The following JMJD1C variants were observed in gnomAD, a reference collection of about 807,000 sequenced individuals.
JMJD1C encodes jumonji domain containing 1C.
JMJD1C carries 31 observed loss-of-function variants against 245.3 expected under a neutral mutation model. The observed-to-expected ratio is 0.13, with a 90% CI of 0.09 to 0.17. The LOEUF (loss-of-function observed/expected upper bound fraction) is 0.17. Among genes scored for constraint, JMJD1C ranks in the 10% least tolerant of loss-of-function variants. The pLI, the probability that JMJD1C is intolerant of heterozygous loss-of-function variation, is 1.00. For missense variants in JMJD1C, 2,691 were observed against 3,000.2 expected (o/e 0.90, Z 2.41); for synonymous variants, 1,057 against 1,017.4 (o/e 1.04, Z -0.74).
chr10:63,343,665 T>C (rs367612222), intron 2 of JMJD1C, among the ~76,000 whole-genome samples: 8 of 152,122 alleles, frequency 5.3e-5, no homozygotes, highest in Non-Finnish European at 1.0e-4. Flanking sequence ...GCCATAAAAT[T>C]ACAATGGAGC....
At chr10:63,169,761 A>G (rs1330763259) in intron 24 of JMJD1C, among the ~76,000 whole-genome samples, 1 of 152,190 alleles carries the variant, frequency 6.6e-6, no homozygotes, top group Non-Finnish European at 1.5e-5. Context: ...TGGATGCCTC[A>G]CATTTTCAGC....
intron 1 of JMJD1C, among the ~76,000 whole-genome samples, chr10:63,415,092 T>A (rs982419481): frequency 6.6e-6 from 1 of 152,208 alleles, no homozygotes; most frequent in Non-Finnish European, 1.5e-5. Flanking sequence ...CCACTGACTC[T>A]GGAAGTGACT....
chr10:63,493,249 C>CTTTTTTTTTTTTTTTTTT lies in JMJD1C; in HGVS notation n.113+28471_113+28488dup, dbSNP rs752941477. 8.1e-5 allele frequency among the ~76,000 whole-genome samples: 4 copies of CTTTTTTTTTTTTTTTTTT among 49,142 alleles called. 1 individual carries two copies. The highest frequency in any genetic ancestry group is 1.3e-4 in the Non-Finnish European group (4 of 29,654). The allele number at this position is 49,142 out of a possible 152,430, so 32.2% of individuals were successfully genotyped here. A position where few individuals can be genotyped will look rare whatever the true frequency, so the allele number is the denominator to read the frequency against. ...GTAGATGGGAACAAAACTGTTATTT[C>CTTTTTTTTTTTTTTTTTT]TTTTTTTTTTTTTTTTTTTTTTTTT... is the stretch of plus-strand genomic sequence containing the variant. On this transcript the variant is annotated intron_variant and non_coding_transcript_variant, in intron 1 of 3. Coordinates refer to the JMJD1C transcript ENST00000633035.
In JMJD1C at chr10:63,207,411, A is replaced by C; in HGVS notation, c.4258T>G (p.Leu1420Val). Residue 1420 changes from leucine to valine, a missense_variant, in exon 10 of 26, where the codon TTA becomes GTA. Around this residue, in one of 9 missense-constraint regions of JMJD1C, gnomAD observed 1,562 missense variants for 1,490.7 expected, o/e 1.05. Transcript: ENST00000399262. ...GTAGAGGCCAAAATGGTATTTGATA[A>C]AGAGGAAATTACTTCTGAACCACCC... ...SWGGSEVISS[L>V]SNTILASTSS... 1.2e-6 allele frequency: 2 copies of C among 1,614,170 alleles called. No individual in the cohort carries two copies. Among genetic ancestry groups the C allele is most frequent in the Non-Finnish European group, 1.7e-6 (2 of 1,180,032 alleles).
intron 1 of JMJD1C, among the ~76,000 whole-genome samples, chr10:63,449,217 T>C (rs1484729151): frequency 6.6e-6 from 1 of 152,142 alleles, no homozygotes; most frequent in African/African-American, 2.4e-5. Context: ...TAAATCTGTA[T>C]TTTGAATGAG....
intron 2 of JMJD1C, chr10:63,358,818 G>C (rs1475728128): frequency 6.5e-6 from 1 of 153,202 alleles, no homozygotes; most frequent in Non-Finnish European, 1.5e-5. Context: ...AAACTATCTA[G>C]TTCAAAATAC....
intron 1 of JMJD1C, among the ~76,000 whole-genome samples, chr10:63,439,745 AAAC>A (rs1313061806): frequency 6.6e-6 from 1 of 152,200 alleles, no homozygotes; most frequent in Non-Finnish European, 1.5e-5. Flanking sequence ...TCATATATAA[AAAC>A]AACATGTAGA....
intron 1 of JMJD1C, among the ~76,000 whole-genome samples, chr10:63,509,355 T>A (rs1954808756): frequency 6.6e-6 from 1 of 152,248 alleles, no homozygotes; most frequent in African/African-American, 2.4e-5. Flanking sequence ...TGCATTATGT[T>A]TGTAAGAGAT....
intron 1 of JMJD1C, among the ~76,000 whole-genome samples, chr10:63,499,658 C>T (rs1272403365): frequency 6.6e-6 from 1 of 151,718 alleles, no homozygotes; most frequent in East Asian, 1.9e-4. Context: ...GCTATACACC[C>T]AAATACTAAG....
intron 3 of JMJD1C, among the ~76,000 whole-genome samples, chr10:63,237,539 A>G (rs1850893227): frequency 6.6e-6 from 1 of 152,232 alleles, no homozygotes; most frequent in South Asian, 2.1e-4. Context: ...TGGAATGATC[A>G]GCAAGACTTG....
Position 63,208,146 on chromosome 10 carries a change from A to C in JMJD1C, c.3523T>G (p.Ser1175Ala). Residue 1175 changes from serine to alanine, a missense_variant, in exon 10 of 26, where the codon TCA becomes GCA. Coordinates refer to ENST00000399262, the MANE Select transcript of JMJD1C (RefSeq NM_032776.3). ...CAATCATTTCTGAAGGTTGTTACTGAGTGAGATGCAATCTGATGTGGAAGA... is the reference window on the plus strand; with the variant it reads ...CAATCATTTCTGAAGGTTGTTACTGCGTGAGATGCAATCTGATGTGGAAGA... ...EHLPHQIASHSVTTFRNDCRS... is the reference protein window; with the variant it reads ...EHLPHQIASHAVTTFRNDCRS... The C allele has an allele frequency of 6.2e-7, 1 of 1,614,206 alleles. No homozygotes were observed. The highest frequency in any genetic ancestry group is 8.5e-7 in the Non-Finnish European group (1 of 1,180,016).
chr10:63,206,494 CAAAGG>C lies in JMJD1C; in HGVS notation c.5074+96_5074+100del, dbSNP rs1348181241. On this transcript the variant is annotated intron_variant, in intron 10 of 25. Transcript: ENST00000399262. Reference sequence around the variant, plus strand: ...TAAAGCTAAGGCACGCAAATGAAGACAAAGGATGCCTTTAAGCTCACTGATCTTTA... The same window carrying C: ...TAAAGCTAAGGCACGCAAATGAAGACATGCCTTTAAGCTCACTGATCTTTA... The C allele has an allele frequency of 1.2e-5, 10 of 857,536 alleles. No individual in the cohort carries two copies. The East Asian group carries it at 2.0e-4, about 18-fold the overall frequency. 53.1% of individuals were successfully genotyped at this position (857,536 alleles called of 1,614,324 possible).
intron 2 of JMJD1C, among the ~76,000 whole-genome samples, chr10:63,271,630 C>T (rs1856312615): frequency 6.6e-6 from 1 of 152,088 alleles, no homozygotes; most frequent in Non-Finnish European, 1.5e-5. Flanking sequence ...TGCCTCACTG[C>T]AACCACTGCC....
At chr10:63,361,736 A>G (rs1237035901) in intron 2 of JMJD1C, among the ~76,000 whole-genome samples, 6 of 150,694 alleles carry the variant, frequency 4.0e-5, no homozygotes, top group African/African-American at 7.3e-5. Context: ...AAAAAAAAAA[A>G]AAAAAAAAAA....
chr10:63,400,533 CCTTGTT>C (rs1382550051), intron 1 of JMJD1C, among the ~76,000 whole-genome samples: 3 of 152,044 alleles, frequency 2.0e-5, no homozygotes, highest in Non-Finnish European at 2.9e-5. Context: ...TTATTTCCTG[CCTTGTT>C]CTTGAGTTTA....
intron 24 of JMJD1C, among the ~76,000 whole-genome samples, chr10:63,173,832 C>CA (rs35447916): frequency 0.43 from 64,974 of 151,708 alleles, 14,540 homozygotes; most frequent in South Asian, 0.53. Flanking sequence ...CAGAAATTGG[C>CA]AAAAAACACT....
chr10:63,393,342 A>C (rs1427358583), intron 1 of JMJD1C, among the ~76,000 whole-genome samples: 1 of 152,208 alleles, frequency 6.6e-6, no homozygotes, highest in Non-Finnish European at 1.5e-5. Context: ...CCACAACGAG[A>C]TCTTACTCGA....
At chr10:63,490,022 T>C (rs868298154) in intron 1 of JMJD1C, among the ~76,000 whole-genome samples, 1 of 152,218 alleles carries the variant, frequency 6.6e-6, no homozygotes, top group Admixed American at 6.5e-5. Context: ...AGGATCTAGG[T>C]TGCATGTTCC....
chr10:63,426,200 C>G (rs2132790247), intron 1 of JMJD1C, among the ~76,000 whole-genome samples: 1 of 151,946 alleles, frequency 6.6e-6, no homozygotes, highest in South Asian at 2.1e-4. Flanking sequence ...TACAGCAACA[C>G]CCACCCTCTC....
Sources: gnomAD v4.1 joint callset for allele counts (sites outside exome capture counted in the v4.1 genomes callset) on GRCh38, gnomAD v4.1.1 for gene constraint, gnomAD v4.1.1 regional missense constraint, MANE v1.5 for transcripts, NCBI Gene and HGNC (gene_info 2026-07-23, HGNC 2026-07-21) for gene names.